ZNRF1: variants seen among roughly 807,000 people sequenced by gnomAD.
The protein encoded by ZNRF1 is E3 ubiquitin-protein ligase ZNRF1.
A neutral mutation model predicts 18.4 loss-of-function variants in ZNRF1; 3 were observed. The observed-to-expected ratio is 0.16, with a 90% CI of 0.07 to 0.42. ZNRF1 has a LOEUF of 0.42. ZNRF1 is among the 10% of genes least tolerant of loss of function. The pLI is 0.99. For missense variants in ZNRF1, 310 were observed against 329.8 expected, an observed-to-expected ratio of 0.94 and a Z score of 0.47; for synonymous variants, 157 against 144.2, an observed-to-expected ratio of 1.09 and a Z score of -0.64.
chr16:75,084,712 A>T (rs1372960139), intron 1 of ZNRF1: 1 of 152,298 alleles, frequency 6.6e-6, no homozygotes, highest in East Asian at 1.9e-4. Context: ...CGGTGCCTAG[A>T]TGCTCTGCCC....
intron 1 of ZNRF1, among the ~76,000 whole-genome samples, chr16:75,064,861 C>T (rs562300553): frequency 4.6e-5 from 7 of 152,338 alleles, no homozygotes; most frequent in South Asian, 2.1e-4. Context: ...TCGGAAGAAC[C>T]GACTGCTGGG....
intron 1 of ZNRF1, among the ~76,000 whole-genome samples, chr16:75,008,812 A>G (rs1192847755): frequency 2.0e-5 from 3 of 152,196 alleles, no homozygotes; most frequent in South Asian, 4.1e-4. Flanking sequence ...TGAATAAACA[A>G]ATAAATGTAG....
chr16:75,011,650 C>T (rs574870337), intron 1 of ZNRF1, among the ~76,000 whole-genome samples: 1 of 152,266 alleles, frequency 6.6e-6, no homozygotes, highest in African/African-American at 2.4e-5. Context: ...ACATTCATGC[C>T]ATTGCAGCCA....
chr16:75,094,559 C>T (rs535596643), intron 2 of ZNRF1, among the ~76,000 whole-genome samples: 1 of 152,274 alleles, frequency 6.6e-6, no homozygotes, highest in South Asian at 2.1e-4. Context: ...GATAGCAATA[C>T]TTGGTTCATA....
At chr16:75,026,805 G>T (rs534432376) in intron 1 of ZNRF1, among the ~76,000 whole-genome samples, 1 of 151,932 alleles carries the variant, frequency 6.6e-6, no homozygotes, top group East Asian at 1.9e-4. Flanking sequence ...GCGTGGTGGT[G>T]CGTGCCTTTA....
At chr16:75,088,963 C>T (rs897515553) in intron 1 of ZNRF1, among the ~76,000 whole-genome samples, 4 of 152,150 alleles carry the variant, frequency 2.6e-5, no homozygotes, top group African/African-American at 7.2e-5. Flanking sequence ...GGTGATGGCA[C>T]CCGGCAGAGA....
rs895489865 is a variant in ZNRF1 at position 75,045,716 on chromosome 16, CT to C, written c.424+45640del. On this transcript the variant is annotated intron_variant, in intron 1 of 4. Transcript: ENST00000335325. ...TGCTCAGCTGAATCTTCTTCTTCGT[CT>C]TTTTTTTTTTTTTTTTTTCCAGAGA... Among the ~76,000 whole-genome samples, 1,207 of 130,362 alleles carry C rather than the reference CT, an allele frequency of 9.3e-3. 13 individuals carry two copies. Among genetic ancestry groups the C allele is most frequent in the African/African-American group, 0.023 (831 of 35,630 alleles). The allele number at this position is 130,362 out of a possible 152,430, so 85.5% of individuals were successfully genotyped here. A position where few individuals can be genotyped will look rare whatever the true frequency, so the allele number is the denominator to read the frequency against.
At position 75,026,178 on chromosome 16, in the gene ZNRF1, G is replaced by C. The variant is rs939548824; in HGVS notation, c.424+26083G>C. On this transcript the variant is annotated intron_variant, in intron 1 of 4. Coordinates refer to ENST00000335325, the MANE Select transcript of ZNRF1 (RefSeq NM_032268.5). Reference sequence around the variant, plus strand: ...TGACCAATAACTAAGCATCTTATTTGAGTTGTAAAAGAACTCTCATCTGTG... The same window carrying C: ...TGACCAATAACTAAGCATCTTATTTCAGTTGTAAAAGAACTCTCATCTGTG... Among the ~76,000 whole-genome samples, 4 of 152,094 alleles carry C rather than the reference G, an allele frequency of 2.6e-5. No homozygotes were observed. The South Asian group carries it at 8.3e-4, about 32-fold the overall frequency.
At position 75,093,570 on chromosome 16, in the gene ZNRF1, A is replaced by C; in HGVS notation, c.425-2A>C. On this transcript the variant is annotated splice_acceptor_variant, in intron 1 of 4. Transcript: ENST00000335325. LOFTEE classifies it high-confidence loss of function. Reference sequence around the variant, plus strand: ...ATTTCATCCCATTCTCCTCTCTTTCAGGTTTCAAGTGCCCCATTTGCTCCA... The same window carrying C: ...ATTTCATCCCATTCTCCTCTCTTTCCGGTTTCAAGTGCCCCATTTGCTCCA... 6.2e-7 allele frequency: 1 copy of C among 1,612,548 alleles called. No individual in the cohort carries two copies. Among genetic ancestry groups the C allele is most frequent in the Non-Finnish European group, 8.5e-7 (1 of 1,178,618 alleles).
chr16:75,106,342 G>A (rs2036315805), intron 3 of ZNRF1, 140 bp from the exon 4 acceptor site: 1 of 773,598 alleles, frequency 1.3e-6, no homozygotes, highest in Non-Finnish European at 2.1e-6. Context: ...GATATCTGGG[G>A]ACATGACTGT....
intron 1 of ZNRF1, among the ~76,000 whole-genome samples, chr16:75,017,713 C>A (rs2145332144): frequency 6.6e-6 from 1 of 152,356 alleles, no homozygotes; most frequent in Admixed American, 6.5e-5. Context: ...TCCACTGCCA[C>A]TCTCTGCTCC....
intron 2 of ZNRF1, chr16:75,095,136 G>C (rs1316553715): frequency 6.5e-6 from 1 of 153,000 alleles, no homozygotes; most frequent in Non-Finnish European, 1.5e-5. Flanking sequence ...TTAATTACTT[G>C]TTCAGCCAAA....
intron 1 of ZNRF1, among the ~76,000 whole-genome samples, chr16:75,032,623 T>C (rs990951310): frequency 6.6e-6 from 1 of 152,096 alleles, no homozygotes; most frequent in African/African-American, 2.4e-5. Flanking sequence ...AGTTACAGAA[T>C]GGGAGAAAAA....
intron 1 of ZNRF1, among the ~76,000 whole-genome samples, chr16:75,085,937 TG>T (rs1462344825): frequency 6.6e-6 from 1 of 151,992 alleles, no homozygotes; most frequent in East Asian, 1.9e-4. Context: ...GGAAAACTCG[TG>T]GAGTATGTAG....
rs889805907 is a variant in ZNRF1 at position 75,085,815 on chromosome 16, A to AGAGAGAGAGAGAGAGAGAGT, written c.425-7754_425-7753insAGAGAGAGAGAGAGAGTGAG. Among the ~76,000 whole-genome samples, 42 of 146,816 alleles carry AGAGAGAGAGAGAGAGAGAGT rather than the reference A, an allele frequency of 2.9e-4. 1 individual carries two copies. The highest frequency in any genetic ancestry group is 1.1e-3 in the African/African-American group (40 of 37,496). ...GTGAGAGAGAGAGAGAGAGAGAGAG[A>AGAGAGAGAGAGAGAGAGAGT]GAGTGAGTGTGTGTGTGTGTGTGTG... On this transcript the variant is annotated intron_variant, in intron 1 of 4. Coordinates refer to ENST00000335325, the MANE Select transcript of ZNRF1 (RefSeq NM_032268.5).
At chr16:75,084,824 T>C (rs1354978648) in intron 1 of ZNRF1, among the ~76,000 whole-genome samples, 1 of 152,164 alleles carries the variant, frequency 6.6e-6, no homozygotes, top group African/African-American at 2.4e-5. Context: ...CCACTCTACT[T>C]GGCTTTTTCT....
rs1464190862 is a variant in ZNRF1, at chr16:74,999,838, G to A, written c.167G>A (p.Gly56Asp). 4.1e-6 allele frequency: 6 copies of A among 1,472,546 alleles called. No homozygotes were observed. Among genetic ancestry groups the A allele is most frequent in the Non-Finnish European group, 5.4e-6 (6 of 1,115,720 alleles). 91.2% of individuals were successfully genotyped at this position (1,472,546 alleles called of 1,614,324 possible). The change falls in exon 1 of 5, where the codon GGC becomes GAC. Residue 56 changes from glycine to aspartate, a missense_variant. Physicochemically the swap from Gly to Asp is moderately conservative, Grantham distance 94 (BLOSUM62 -1). Around this residue, in one of 2 missense-constraint regions of ZNRF1, gnomAD observed 293 missense variants for 291.2 expected, o/e 1.01. Coordinates refer to ENST00000335325, the MANE Select transcript of ZNRF1 (RefSeq NM_032268.5). ...AGCCGCTCGGTCAGCTCGGTGGCAG[G>A]CATGGGCATGGACCCCAGCACGGCC... ...LRSRSVSSVA[G>D]MGMDPSTAGG...
chr16:75,029,283 A>G (rs1379086448), intron 1 of ZNRF1, among the ~76,000 whole-genome samples: 1 of 152,020 alleles, frequency 6.6e-6, no homozygotes, highest in African/African-American at 2.4e-5. Context: ...GGTAGCTGGG[A>G]TTACAGGTGC....
At chr16:75,013,587 C>A (rs1485674212) in intron 1 of ZNRF1, among the ~76,000 whole-genome samples, 1 of 152,172 alleles carries the variant, frequency 6.6e-6, no homozygotes, top group Admixed American at 6.5e-5. Context: ...CCTCGTGATC[C>A]ACCCGCCTTG....
Sources: allele counts gnomAD v4.1 joint callset (sites outside exome capture counted in the v4.1 genomes callset), GRCh38; gene constraint gnomAD v4.1.1; regional missense constraint gnomAD v4.1.1; transcripts MANE v1.5; gene names NCBI Gene and HGNC (gene_info 2026-07-23, HGNC 2026-07-21).